The following RANBP17 variants were observed in gnomAD, a reference collection of about 807,000 sequenced individuals.
RANBP17 encodes the protein RAN binding protein 17.
RANBP17 carries 158 observed loss-of-function variants against 141.2 expected under a neutral mutation model. The ratio of observed to expected loss-of-function variants is 1.12; its 90% CI spans 0.98 to 1.28. RANBP17 has a LOEUF of 1.28. Among genes scored for constraint, RANBP17 ranks in the 50% most tolerant of loss-of-function variants. RANBP17 has a pLI of 0.00. For missense variants in RANBP17, 1,438 were observed against 1,290.7 expected, an observed-to-expected ratio of 1.11 and a Z score of -1.75; for synonymous variants, 430 against 450.0, an observed-to-expected ratio of 0.96 and a Z score of 0.56.
intron 14 of RANBP17, among the ~76,000 whole-genome samples, chr5:171,052,648 A>C (rs1431306878): frequency 2.6e-5 from 4 of 152,202 alleles, no homozygotes; most frequent in African/African-American, 9.6e-5. Flanking sequence ...TTGTAAAATC[A>C]GGAAGTATGA....
intron 14 of RANBP17, among the ~76,000 whole-genome samples, chr5:170,990,722 A>G (rs1778447097): frequency 6.6e-6 from 1 of 152,050 alleles, no homozygotes; most frequent in Non-Finnish European, 1.5e-5. Context: ...CTCAACTAGC[A>G]AATGAGGTTA....
At chr5:171,279,954 A>G (rs1162575853) in intron 25 of RANBP17, among the ~76,000 whole-genome samples, 1 of 152,132 alleles carries the variant, frequency 6.6e-6, no homozygotes, top group African/African-American at 2.4e-5. Context: ...ATTTCTTCTT[A>G]CCTTTTCATC....
chr5:170,986,338 C>A (rs1284598498), intron 14 of RANBP17, among the ~76,000 whole-genome samples: 2 of 151,920 alleles, frequency 1.3e-5, no homozygotes, highest in Non-Finnish European at 2.9e-5. Flanking sequence ...ATGTTTAGAT[C>A]TTTTTTGTGG....
chr5:171,052,290 G>A (rs1040342162), intron 14 of RANBP17, among the ~76,000 whole-genome samples: 15 of 152,114 alleles, frequency 9.9e-5, no homozygotes, highest in African/African-American at 3.6e-4. Context: ...TTGGTTGCTT[G>A]TGGTTTTTGA....
intron 14 of RANBP17, among the ~76,000 whole-genome samples, chr5:170,997,990 C>T (rs1209706804): frequency 1.3e-5 from 2 of 151,616 alleles, no homozygotes; most frequent in African/African-American, 2.4e-5. Flanking sequence ...TGGCTCACAC[C>T]TGTAATCCCA....
At chr5:171,180,814 C>T (rs1001041026) in intron 16 of RANBP17, among the ~76,000 whole-genome samples, 2 of 152,126 alleles carry the variant, frequency 1.3e-5, no homozygotes, top group Non-Finnish European at 2.9e-5. Flanking sequence ...AGATGCCGTT[C>T]TGCAGAAAAT....
chr5:171,118,496 G>A lies in RANBP17; in HGVS notation c.1711-51634G>A, dbSNP rs563158392. ...TAAATTGCTTTGGGTACTATTGTCA[G>A]TTTTACAATATTAAGTCTTCTGATC... is the stretch of plus-strand genomic sequence containing the variant. On this transcript the variant is annotated intron_variant, in intron 14 of 27. Coordinates refer to ENST00000523189, the MANE Select transcript of RANBP17 (RefSeq NM_022897.5). Among the ~76,000 whole-genome samples, 4 of 152,002 alleles carry A rather than the reference G, an allele frequency of 2.6e-5. No individual in the cohort carries two copies. In the East Asian group the frequency reaches 5.8e-4, roughly 22 times the overall value.
intron 14 of RANBP17, among the ~76,000 whole-genome samples, chr5:171,108,937 G>A (rs1283595413): frequency 6.6e-6 from 1 of 152,042 alleles, no homozygotes; most frequent in Admixed American, 6.5e-5. Flanking sequence ...ATATACCAAT[G>A]GACAGAATTT....
intron 12 of RANBP17, among the ~76,000 whole-genome samples, chr5:170,941,165 A>G (rs1774298383): frequency 6.6e-6 from 1 of 152,170 alleles, no homozygotes. Context: ...AAAAAAGGCC[A>G]GAATGTTGGG....
intron 5 of RANBP17, among the ~76,000 whole-genome samples, chr5:170,902,424 A>G (rs1426505935): frequency 1.3e-5 from 2 of 151,962 alleles, no homozygotes; most frequent in African/African-American, 4.8e-5. Context: ...AATTCCTCTA[A>G]CCTTATTTCA....
chr5:171,089,965 G>A (rs189003672), intron 14 of RANBP17, among the ~76,000 whole-genome samples: 83 of 152,320 alleles, frequency 5.4e-4, no homozygotes, highest in African/African-American at 1.9e-3. Flanking sequence ...GTTCCTGTTC[G>A]GCCATCTTCG....
rs540107628 is a variant in RANBP17 at position 170,925,316 on chromosome 5, A to G, written c.1468+766A>G. On this transcript the variant is annotated intron_variant, in intron 12 of 27. Coordinates refer to ENST00000523189, the MANE Select transcript of RANBP17 (RefSeq NM_022897.5). Reference sequence around the variant, plus strand: ...ATGTTTTTTAAAAATGCGTTTTATTATCTGTCCATCTTGCGTTAAGTCACA... The same window carrying G: ...ATGTTTTTTAAAAATGCGTTTTATTGTCTGTCCATCTTGCGTTAAGTCACA... Among the ~76,000 whole-genome samples the G allele has an allele frequency of 1.1e-4, 16 of 152,260 alleles. No individual in the cohort carries two copies. The East Asian group carries it at 2.5e-3, about 24-fold the overall frequency.
intron 1 of RANBP17, among the ~76,000 whole-genome samples, chr5:170,870,763 A>T (rs1767657361): frequency 6.6e-6 from 1 of 152,148 alleles, no homozygotes; most frequent in Non-Finnish European, 1.5e-5. Context: ...GTCAAATGAT[A>T]TTTCTGGTTC....
In RANBP17 at chr5:170,996,864, G is replaced by C. The variant is rs142994210; in HGVS notation, c.1710+28487G>C. ...GCAAAAGGGGGGGAACCCAATTACA[G>C]TTAAGTCCCCAAAACTGCATTTTGA... On this transcript the variant is annotated intron_variant, in intron 14 of 27. Coordinates refer to ENST00000523189, the MANE Select transcript of RANBP17 (RefSeq NM_022897.5). 4.6e-5 allele frequency among the ~76,000 whole-genome samples: 7 copies of C among 152,258 alleles called. No homozygotes were observed. The East Asian group carries it at 1.4e-3, about 29-fold the overall frequency.
intron 14 of RANBP17, among the ~76,000 whole-genome samples, chr5:171,125,060 C>T (rs904990182): frequency 3.3e-5 from 5 of 152,048 alleles, no homozygotes; most frequent in East Asian, 1.9e-4. Flanking sequence ...TTTGGGAGGC[C>T]GAGGCGGGCA....
chr5:170,956,815 T>C (rs968758144), intron 13 of RANBP17, among the ~76,000 whole-genome samples: 1 of 148,078 alleles, frequency 6.8e-6, no homozygotes, highest in Non-Finnish European at 1.5e-5. Flanking sequence ...CTCATGCCTG[T>C]AATCCCAGCA....
chr5:171,255,064 A>C (rs1765801456), intron 24 of RANBP17, among the ~76,000 whole-genome samples: 1 of 152,188 alleles, frequency 6.6e-6, no homozygotes, highest in Admixed American at 6.5e-5. Context: ...CTAAATATCA[A>C]AAGTATTTTG....
chr5:171,217,793 T>C (rs1432666162), intron 21 of RANBP17, among the ~76,000 whole-genome samples: 1 of 152,192 alleles, frequency 6.6e-6, no homozygotes, highest in African/African-American at 2.4e-5. Flanking sequence ...TCTTCTTCTT[T>C]ATTAGTCTAG....
intron 14 of RANBP17, among the ~76,000 whole-genome samples, chr5:171,134,299 T>C (rs1757122638): frequency 6.6e-6 from 1 of 152,240 alleles, no homozygotes; most frequent in African/African-American, 2.4e-5. Flanking sequence ...ACATTGTTTT[T>C]CCAGCAATTT....
Sources: gnomAD v4.1 joint callset for allele counts (sites outside exome capture counted in the v4.1 genomes callset) on GRCh38, gnomAD v4.1.1 for gene constraint, MANE v1.5 for transcripts, NCBI Gene and HGNC (gene_info 2026-07-23, HGNC 2026-07-21) for gene names.